The following CELSR1 variants were observed in gnomAD, a reference collection of about 807,000 sequenced individuals.
The protein encoded by CELSR1 is cadherin EGF LAG seven-pass G-type receptor 1.
In CELSR1, 110 loss-of-function variants were observed where a neutral mutation model predicts 249.1. The ratio of observed to expected loss-of-function variants is 0.44; its 90% CI spans 0.38 to 0.52. The LOEUF is 0.52. Ranked by LOEUF, CELSR1 falls within the 20% of genes least tolerant of loss-of-function variation. The probability of loss-of-function intolerance (pLI) is 0.00; values close to 1 mark genes in which losing one functional copy is unlikely to be tolerated. For synonymous variants in CELSR1, 2,113 were observed against 1,900.0 expected (o/e 1.11, Z -2.92); for missense variants, 4,109 against 4,296.4 (o/e 0.96, Z 1.22).
rs769900116 is a variant in CELSR1 at position 46,439,248 on chromosome 22, G to T, written c.4347C>A (p.Pro1449=). The change falls in exon 3 of 35, where the codon CCC becomes CCA. Residue 1449 remains proline, a synonymous_variant. Coordinates refer to ENST00000674500, the MANE Select transcript of CELSR1 (RefSeq NM_001378328.1). ...GGCCCCGGAAGGTGACGAAGGACTG[G>T]GGCGGGAAGCTCCTGGTGGTCACCT... ...YCEVTTRSFP[P]QSFVTFRGLR... 6 of 1,614,072 alleles carry T rather than the reference G, an allele frequency of 3.7e-6. No homozygotes were observed. The African/African-American group carries it at 8.0e-5, about 22-fold the overall frequency.
At chr22:46,477,882 C>T (rs2147650046) in intron 1 of CELSR1, among the ~76,000 whole-genome samples, 1 of 152,318 alleles carries the variant, frequency 6.6e-6, no homozygotes, top group East Asian at 1.9e-4. Context: ...CATGGCAGCA[C>T]TGTGGACTCT....
chr22:46,468,463 G>A lies in CELSR1; in HGVS notation c.3545-4118C>T, dbSNP rs1046187348. Among the ~76,000 whole-genome samples, 72 of 152,136 alleles carry A rather than the reference G, an allele frequency of 4.7e-4. No homozygotes were observed. Among genetic ancestry groups the A allele is most frequent in the Middle Eastern group, 3.4e-3 (1 of 294 alleles). On this transcript the variant is annotated intron_variant, in intron 1 of 34. Transcript: ENST00000674500. The surrounding 1 kb of genome is among the most constrained non-coding windows in gnomAD (Gnocchi z 4.5). Reference sequence around the variant, plus strand: ...AAAAAGGGAGGAAATTCTGACACACGCTACAACATGGATGTACCTTGAGGA... The same window carrying A: ...AAAAAGGGAGGAAATTCTGACACACACTACAACATGGATGTACCTTGAGGA...
chr22:46,368,602 C>A (rs530694288), intron 27 of CELSR1, among the ~76,000 whole-genome samples: 3 of 148,388 alleles, frequency 2.0e-5, no homozygotes, highest in East Asian at 3.9e-4. Flanking sequence ...CAGGGGCTGG[C>A]CTTGTTGTCT....
In CELSR1 at chr22:46,488,588, C is replaced by A. The variant is rs116516109; in HGVS notation, c.3545-24243G>T. ...ACACAAAAAGAACAAACGCACCCCCCGCGCCACAGTGGAAAGTCCCCAGAA... is the reference window on the plus strand; with the variant it reads ...ACACAAAAAGAACAAACGCACCCCCAGCGCCACAGTGGAAAGTCCCCAGAA... On this transcript the variant is annotated intron_variant, in intron 1 of 34. Transcript: ENST00000674500. The surrounding 1 kb of genome is among the most constrained non-coding windows in gnomAD (Gnocchi z 4.7). Among the ~76,000 whole-genome samples the A allele has an allele frequency of 0.013, 1,912 of 152,236 alleles. 44 individuals carry two copies. The highest frequency in any genetic ancestry group is 0.044 in the African/African-American group (1,844 of 41,532).
chr22:46,446,041 T>C lies in CELSR1; in HGVS notation c.4184-6630A>G, dbSNP rs886756537. ...GTCCTCCACAACGCTGGCCTCACCA[T>C]GTGTCAGTCCCACTGGCTAGACTCC... On this transcript the variant is annotated intron_variant, in intron 2 of 34. Coordinates refer to ENST00000674500, the MANE Select transcript of CELSR1 (RefSeq NM_001378328.1). This position sits in a 1 kb window ranked among gnomAD's most constrained non-coding sequence, Gnocchi z 5.5. 6.6e-6 allele frequency among the ~76,000 whole-genome samples: 1 copy of C among 152,124 alleles called. No individual in the cohort carries two copies. The highest frequency in any genetic ancestry group is 2.4e-5 in the African/African-American group (1 of 41,434).
At chr22:46,432,384 G>A (rs1210737688) in intron 5 of CELSR1, among the ~76,000 whole-genome samples, 3 of 152,182 alleles carry the variant, frequency 2.0e-5, no homozygotes, top group Non-Finnish European at 4.4e-5. Flanking sequence ...GATTCTCCTG[G>A]AGGACAGAGG....
At chr22:46,533,304 C>T (rs890149802) in intron 1 of CELSR1, among the ~76,000 whole-genome samples, 1 of 152,244 alleles carries the variant, frequency 6.6e-6, no homozygotes, top group Non-Finnish European at 1.5e-5. Context: ...TGACCCAGAT[C>T]ACCTGGAGGC....
Position 46,440,294 on chromosome 22 carries a change from C to A in CELSR1, c.4184-883G>T, listed in dbSNP as rs1205631540. Among the ~76,000 whole-genome samples, 1 of 152,230 alleles carries A rather than the reference C, an allele frequency of 6.6e-6. No individual in the cohort carries two copies. The highest frequency in any genetic ancestry group is 1.5e-5 in the Non-Finnish European group (1 of 68,034). ...GGCTGGTGACACTCCCGCCCCCGGA[C>A]AGGGATGGTGAGCCGCAATCTGCAC... On this transcript the variant is annotated intron_variant, in intron 2 of 34. Coordinates refer to ENST00000674500, the MANE Select transcript of CELSR1 (RefSeq NM_001378328.1). This position sits in a 1 kb window ranked among gnomAD's most constrained non-coding sequence, Gnocchi z 4.7.
intron 19 of CELSR1, among the ~76,000 whole-genome samples, chr22:46,385,820 A>C (rs1329680433): frequency 6.7e-6 from 1 of 150,204 alleles, no homozygotes; most frequent in Non-Finnish European, 1.5e-5. Flanking sequence ...TGGGACTACA[A>C]ACGCCCACCA....
chr22:46,482,152 G>A (rs2080272802), intron 1 of CELSR1, among the ~76,000 whole-genome samples: 1 of 152,222 alleles, frequency 6.6e-6, no homozygotes, highest in Non-Finnish European at 1.5e-5. Context: ...AGAGCTGCAT[G>A]TCTCAATCCC....
chr22:46,481,095 C>T lies in CELSR1; in HGVS notation c.3545-16750G>A, dbSNP rs373939565. The stretch of plus-strand genomic sequence containing the variant: ...ACTAAAAATACAAAAATTACTTGGG[C>T]ATGGTGGTGCATGCCTGTAGTCCCA... On this transcript the variant is annotated intron_variant, in intron 1 of 34. Transcript: ENST00000674500. Among the ~76,000 whole-genome samples, 176 of 152,140 alleles carry T rather than the reference C, an allele frequency of 1.2e-3. 1 individual carries two copies. Among genetic ancestry groups the T allele is most frequent in the African/African-American group, 4.0e-3 (164 of 41,508 alleles).
intron 1 of CELSR1, among the ~76,000 whole-genome samples, chr22:46,480,237 G>A (rs1015857620): frequency 4.6e-5 from 7 of 152,120 alleles, no homozygotes; most frequent in Non-Finnish European, 2.9e-5. Context: ...GTGTGTCGTC[G>A]CCTGTCATGT....
chr22:46,483,550 C>A lies in CELSR1; in HGVS notation c.3545-19205G>T, dbSNP rs552975517. 1.4e-4 allele frequency among the ~76,000 whole-genome samples: 21 copies of A among 152,264 alleles called. No individual in the cohort carries two copies. In the South Asian group the frequency reaches 4.4e-3, roughly 32 times the overall value. ...GGGCAAGTCACTTAACCTCTATGTG[C>A]TTTGGTTTCCTCATCAGTAAAACCG... On this transcript the variant is annotated intron_variant, in intron 1 of 34. Coordinates refer to ENST00000674500, the MANE Select transcript of CELSR1 (RefSeq NM_001378328.1).
chr22:46,512,485 T>C lies in CELSR1; in HGVS notation c.3544+21142A>G, dbSNP rs574629242. Among the ~76,000 whole-genome samples, 120 of 152,176 alleles carry C rather than the reference T, an allele frequency of 7.9e-4. No individual in the cohort carries two copies. Among genetic ancestry groups the C allele is most frequent in the African/African-American group, 2.7e-3 (112 of 41,524 alleles). The stretch of plus-strand genomic sequence containing the variant: ...TACGTAGAAGGCTGAGGCACGAGAA[T>C]TGCTTGAACCCGGGAGGCGGAGGTT... On this transcript the variant is annotated intron_variant, in intron 1 of 34. Transcript: ENST00000674500. The surrounding 1 kb of genome is among the most constrained non-coding windows in gnomAD (Gnocchi z 5.2).
chr22:46,410,606 G>A lies in CELSR1; in HGVS notation c.4770-45C>T. 2 of 1,596,316 alleles carry A rather than the reference G, an allele frequency of 1.3e-6. No individual in the cohort carries two copies. The highest frequency in any genetic ancestry group is 8.6e-7 in the Non-Finnish European group (1 of 1,166,606). ...TTCTGTGACGTCAGGGCGGGGAGAG[G>A]CGGCCACGGCGGGCTGGGCTCCGCA... On this transcript the variant is annotated intron_variant, in intron 6 of 34. Coordinates refer to ENST00000674500, the MANE Select transcript of CELSR1 (RefSeq NM_001378328.1). The surrounding 1 kb of genome is among the most constrained non-coding windows in gnomAD (Gnocchi z 6.8).
rs2079215988 is a variant in CELSR1 at position 46,402,111 on chromosome 22, T to C, written c.5227-2209A>G. On this transcript the variant is annotated intron_variant, in intron 9 of 34. Coordinates refer to ENST00000674500, the MANE Select transcript of CELSR1 (RefSeq NM_001378328.1). The surrounding 1 kb of genome is among the most constrained non-coding windows in gnomAD (Gnocchi z 5.0). ...TCAAAAACACACAAACAAAAAAGTC[T>C]GTGACTGCATTCAAGTGCTCTGGGA... Among the ~76,000 whole-genome samples, 1 of 152,070 alleles carries C rather than the reference T, an allele frequency of 6.6e-6. No homozygotes were observed. Among genetic ancestry groups the C allele is most frequent in the Non-Finnish European group, 1.5e-5 (1 of 68,010 alleles).
rs1484726083 is a variant in CELSR1 at position 46,446,088 on chromosome 22, G to A, written c.4184-6677C>T. Among the ~76,000 whole-genome samples, 1 of 152,094 alleles carries A rather than the reference G, an allele frequency of 6.6e-6. No individual in the cohort carries two copies. Among genetic ancestry groups the A allele is most frequent in the Non-Finnish European group, 1.5e-5 (1 of 68,002 alleles). ...CTCCCACTGCTCCATAAAGACCCCA[G>A]CCTAAGGGGTCCCAGGGCCCAGCCC... On this transcript the variant is annotated intron_variant, in intron 2 of 34. Coordinates refer to ENST00000674500, the MANE Select transcript of CELSR1 (RefSeq NM_001378328.1). The surrounding 1 kb of genome is among the most constrained non-coding windows in gnomAD (Gnocchi z 5.5).
chr22:46,456,279 T>C (rs1171939757), intron 2 of CELSR1, among the ~76,000 whole-genome samples: 1 of 152,196 alleles, frequency 6.6e-6, no homozygotes, highest in Non-Finnish European at 1.5e-5. Context: ...ATGAGGACCT[T>C]ATCTGAAAGT....
intron 1 of CELSR1, among the ~76,000 whole-genome samples, chr22:46,502,688 G>A (rs1358219002): frequency 6.6e-6 from 1 of 152,080 alleles, no homozygotes; most frequent in Non-Finnish European, 1.5e-5. Flanking sequence ...TGTCACATGG[G>A]GAAATCGAGA....
Sources: gnomAD v4.1 joint callset for allele counts (sites outside exome capture counted in the v4.1 genomes callset) on GRCh38, gnomAD v4.1.1 for gene constraint, Gnocchi (gnomAD v3.1) non-coding constraint, MANE v1.5 for transcripts, NCBI Gene and HGNC (gene_info 2026-07-23, HGNC 2026-07-21) for gene names.